The following CSMD1 variants were observed in gnomAD, a reference collection of about 807,000 sequenced individuals.
The protein encoded by CSMD1 is CUB and Sushi multiple domains 1.
CSMD1 carries 213 observed loss-of-function variants against 417.5 expected under a neutral mutation model. That is an observed-to-expected ratio of 0.51 (90% confidence interval 0.46 to 0.57). The LOEUF is 0.57. Among genes scored for constraint, CSMD1 ranks in the 20% least tolerant of loss-of-function variants. The pLI is 0.00. For synonymous variants in CSMD1, 2,862 were observed against 1,736.8 expected, an observed-to-expected ratio of 1.65 and a Z score of -16.11; for missense variants, 6,923 against 4,529.7, an observed-to-expected ratio of 1.53 and a Z score of -15.17.
At chr8:4,706,769 G>A (rs896956921) in intron 1 of CSMD1, among the ~76,000 whole-genome samples, 1 of 152,322 alleles carries the variant, frequency 6.6e-6, no homozygotes, top group Middle Eastern at 3.4e-3. Flanking sequence ...CTCACTCAGA[G>A]GCAACAGAAG....
chr8:4,025,084 T>A (rs1258762268), intron 4 of CSMD1, among the ~76,000 whole-genome samples: 2 of 152,134 alleles, frequency 1.3e-5, no homozygotes, highest in African/African-American at 2.4e-5. Context: ...GATTCAGAAT[T>A]GGAGCAATGG....
In CSMD1 at chr8:2,950,331, T is replaced by G. The variant is rs1225718178; in HGVS notation, c.10214A>C (p.Lys3405Thr). The G allele has an allele frequency of 6.2e-7, 1 of 1,607,736 alleles. No individual in the cohort carries two copies. Among genetic ancestry groups the G allele is most frequent in the Non-Finnish European group, 8.5e-7 (1 of 1,174,264 alleles). The part of the protein sequence containing the change: ...VELKLTGIYK[K>T]EEAHLLLKAF... ...TTTCAGGAGTAAGTGGGCCTCCTCCTTCTTGTAAATGCCTGTGAAAAGATC... is the reference window on the plus strand; with the variant it reads ...TTTCAGGAGTAAGTGGGCCTCCTCCGTCTTGTAAATGCCTGTGAAAAGATC... The change falls in exon 67 of 70, where the codon AAG becomes ACG. Residue 3405 changes from lysine (K) to threonine (T), a missense_variant. Physicochemically the swap from Lys to Thr is moderately conservative, Grantham distance 78. Coordinates refer to ENST00000635120, the MANE Select transcript of CSMD1 (RefSeq NM_033225.6).
At chr8:3,347,894 T>A in intron 22 of CSMD1, 98 bp downstream of exon 22, 1 of 701,022 alleles carries the variant, frequency 1.4e-6, no homozygotes. Context: ...AAAATATATG[T>A]TAATATGTGC....
chr8:4,363,710 G>A (rs139945574), intron 3 of CSMD1, among the ~76,000 whole-genome samples: 1,741 of 152,240 alleles, frequency 0.011, 13 homozygotes, highest in South Asian at 0.048. Context: ...TTAACAAAGT[G>A]ACTTCTAGTT....
At chr8:4,741,315 CAG>C (rs1810592369) in intron 1 of CSMD1, among the ~76,000 whole-genome samples, 1 of 152,162 alleles carries the variant, frequency 6.6e-6, no homozygotes, top group Admixed American at 6.5e-5. Context: ...ATTTTAAAAA[CAG>C]GGAATTTTTC....
At chr8:4,212,622 G>C (rs1800383595) in intron 3 of CSMD1, among the ~76,000 whole-genome samples, 1 of 151,680 alleles carries the variant, frequency 6.6e-6, no homozygotes, top group Non-Finnish European at 1.5e-5. Context: ...CAATGATCCT[G>C]TCTACTACTG....
chr8:4,057,291 G>A lies in CSMD1; in HGVS notation c.416-25192C>T, dbSNP rs531565919. 2.6e-5 allele frequency among the ~76,000 whole-genome samples: 4 copies of A among 152,290 alleles called. No homozygotes were observed. The East Asian group carries it at 7.7e-4, about 29-fold the overall frequency. ...CATTTCTCTGATGGCCAGTGATGGT[G>A]AGCATTTTTTCATGTGCTTTTTGGC... On this transcript the variant is annotated intron_variant, in intron 3 of 69. Coordinates refer to ENST00000635120, the MANE Select transcript of CSMD1 (RefSeq NM_033225.6).
At chr8:3,526,252 G>A (rs866941913) in intron 10 of CSMD1, among the ~76,000 whole-genome samples, 1 of 151,844 alleles carries the variant, frequency 6.6e-6, no homozygotes, top group South Asian at 2.1e-4. Flanking sequence ...AATATAAATT[G>A]TCTTAAAATA....
At chr8:3,108,245 T>G (rs1438192814) in intron 44 of CSMD1, among the ~76,000 whole-genome samples, 4 of 152,186 alleles carry the variant, frequency 2.6e-5, no homozygotes, top group Non-Finnish European at 5.9e-5. Context: ...CCAGGATTAT[T>G]GGAGGTTTGC....
intron 3 of CSMD1, among the ~76,000 whole-genome samples, chr8:4,240,414 G>C (rs182039144): frequency 6.6e-6 from 1 of 152,184 alleles, no homozygotes; most frequent in Admixed American, 6.5e-5. Flanking sequence ...TGCCTGCTCT[G>C]ATCCCTGTAG....
chr8:4,582,916 C>G (rs901087532), intron 2 of CSMD1, among the ~76,000 whole-genome samples: 1 of 152,212 alleles, frequency 6.6e-6, no homozygotes, highest in South Asian at 2.1e-4. Flanking sequence ...TGGCCCCACA[C>G]TCGGAGCAGC....
chr8:3,853,365 A>G (rs1403448087), intron 5 of CSMD1, among the ~76,000 whole-genome samples: 1 of 152,160 alleles, frequency 6.6e-6, no homozygotes, highest in African/African-American at 2.4e-5. Flanking sequence ...TTAAAAAGGT[A>G]TTGTTATGTA....
rs548290086 is a variant in CSMD1, at chr8:3,963,547, T to C, written c.818+34356A>G. ...AAAATTTTCTATTATAAACATAAAA[T>C]TCGTATTTCAATTTAAAAATATTAA... On this transcript the variant is annotated intron_variant, in intron 5 of 69. Coordinates refer to ENST00000635120, the MANE Select transcript of CSMD1 (RefSeq NM_033225.6). 5.3e-5 allele frequency among the ~76,000 whole-genome samples: 8 copies of C among 152,270 alleles called. No homozygotes were observed. The South Asian group carries it at 1.5e-3, about 28-fold the overall frequency.
intron 7 of CSMD1, among the ~76,000 whole-genome samples, chr8:3,679,726 A>G (rs1799555694): frequency 6.6e-6 from 1 of 152,230 alleles, no homozygotes; most frequent in Non-Finnish European, 1.5e-5. Flanking sequence ...AATCAACAGA[A>G]TATACATTCT....
chr8:4,386,643 T>C lies in CSMD1; in HGVS notation c.415+33310A>G, dbSNP rs530436391. 1.0e-3 allele frequency among the ~76,000 whole-genome samples: 156 copies of C among 152,304 alleles called. 1 individual carries two copies. The highest frequency in any genetic ancestry group is 3.7e-3 in the African/African-American group (152 of 41,580). ...AGAGACCCTGGCAAGCCATGGGAGTTATCTCAGCCTTTCAGGAAGATTACC... is the reference window on the plus strand; with the variant it reads ...AGAGACCCTGGCAAGCCATGGGAGTCATCTCAGCCTTTCAGGAAGATTACC... On this transcript the variant is annotated intron_variant, in intron 3 of 69. Coordinates refer to ENST00000635120, the MANE Select transcript of CSMD1 (RefSeq NM_033225.6).
rs574378078 is a variant in CSMD1, at chr8:4,001,346, C to T, written c.611-3236G>A. 3.3e-5 allele frequency among the ~76,000 whole-genome samples: 5 copies of T among 152,280 alleles called. No individual in the cohort carries two copies. In the South Asian group the frequency reaches 6.2e-4, roughly 19 times the overall value. On this transcript the variant is annotated intron_variant, in intron 4 of 69. Coordinates refer to ENST00000635120, the MANE Select transcript of CSMD1 (RefSeq NM_033225.6). The stretch of plus-strand genomic sequence containing the variant: ...TCCAGGACAGAGTCCAGGGCCCCCA[C>T]CCTGCAGCCATTAGCCCCCTGGTTT...
In CSMD1 at chr8:3,029,569, C is replaced by G. The variant is rs1015676408; in HGVS notation, c.7661-56G>C. ...TTTTCTTTTTTGGAAAACATCAGACCGTGCTTGCTTTGGATGGCAAGGTCT... is the reference window on the plus strand; with the variant it reads ...TTTTCTTTTTTGGAAAACATCAGACGGTGCTTGCTTTGGATGGCAAGGTCT... On this transcript the variant is annotated intron_variant, in intron 50 of 69. Coordinates refer to ENST00000635120, the MANE Select transcript of CSMD1 (RefSeq NM_033225.6). The G allele has an allele frequency of 6.1e-6, 9 of 1,469,944 alleles. No homozygotes were observed. In the African/African-American group the frequency reaches 7.0e-5, roughly 11 times the overall value. The allele number at this position is 1,469,944 out of a possible 1,614,324, so 91.1% of individuals were successfully genotyped here.
intron 9 of CSMD1, among the ~76,000 whole-genome samples, chr8:3,582,898 C>T (rs1381890058): frequency 1.3e-5 from 2 of 152,280 alleles, no homozygotes; most frequent in East Asian, 3.9e-4. Flanking sequence ...TTCCCAGTTA[C>T]TCAATCCAGC....
At chr8:3,587,652 C>A (rs1315199173) in intron 8 of CSMD1, among the ~76,000 whole-genome samples, 1 of 152,112 alleles carries the variant, frequency 6.6e-6, no homozygotes, top group Non-Finnish European at 1.5e-5. Flanking sequence ...TGGATGTCGG[C>A]AACAGCCATC....
Sources: allele counts gnomAD v4.1 joint callset (sites outside exome capture counted in the v4.1 genomes callset), GRCh38; gene constraint gnomAD v4.1.1; transcripts MANE v1.5; gene names NCBI Gene and HGNC (gene_info 2026-07-23, HGNC 2026-07-21).